ADAP1: variants seen among roughly 807,000 people sequenced by gnomAD.
ADAP1 encodes arf-GAP with dual PH domain-containing protein 1.
In ADAP1, 31 loss-of-function variants were observed where a neutral mutation model predicts 54.9. The observed-to-expected ratio is 0.56, with a 90% CI of 0.42 to 0.76. The LOEUF (loss-of-function observed/expected upper bound fraction) is 0.76. Ranked by LOEUF, ADAP1 falls within the 30% of genes least tolerant of loss-of-function variation. The probability of loss-of-function intolerance (pLI) is 0.00; values close to 1 mark genes in which losing one functional copy is unlikely to be tolerated. For missense variants in ADAP1, 535 were observed against 512.4 expected (o/e 1.04, Z -0.42); for synonymous variants, 313 against 202.6 (o/e 1.55, Z -4.63).
At position 905,067 on chromosome 7, in the gene ADAP1, C is replaced by T. The variant is rs993124158; in HGVS notation, c.494G>A (p.Arg165Lys). The T allele has an allele frequency of 6.2e-7, 1 of 1,610,980 alleles. No individual in the cohort carries two copies. The highest frequency in any genetic ancestry group is 1.7e-5 in the Admixed American group (1 of 60,018). The change falls in exon 5 of 11, where the codon AGA becomes AAA. Residue 165 changes from arginine (R) to lysine (K), a missense_variant. By Grantham distance (26) the Arg-to-Lys change is conservative. Transcript: ENST00000265846. ...EREGALKYFN[R>K]NDAKEPKAVM... is the part of the protein sequence containing the mutation. Reference sequence around the variant, plus strand: ...CCCCCGTCTGTGACTCACATCATTTCTGTTGAAATACTTCAGAGCACCCTC... The same window carrying T: ...CCCCCGTCTGTGACTCACATCATTTTTGTTGAAATACTTCAGAGCACCCTC...
At chr7:934,742 G>A (rs73254065) in intron 2 of ADAP1, among the ~76,000 whole-genome samples, 2,206 of 152,276 alleles carry the variant, frequency 0.014, 58 homozygotes, top group African/African-American at 0.049. Flanking sequence ...GGGCTTCCTG[G>A]TTGGCTCACA....
intron 4 of ADAP1, among the ~76,000 whole-genome samples, chr7:916,587 G>A (rs748344151): frequency 3.8e-4 from 58 of 152,186 alleles, no homozygotes; most frequent in Non-Finnish European, 7.3e-4. Flanking sequence ...AGTGGAGCGA[G>A]GGGTGTGCTG....
Position 946,234 on chromosome 7 carries a change from T to C in ADAP1, c.82+8162A>G, listed in dbSNP as rs989493406. Among the ~76,000 whole-genome samples, 1 of 152,114 alleles carries C rather than the reference T, an allele frequency of 6.6e-6. No individual in the cohort carries two copies. Among genetic ancestry groups the C allele is most frequent in the South Asian group, 2.1e-4 (1 of 4,830 alleles). ...TTGTCTCCCAGTTACCCGTGGCCCC[T>C]GCAGGGATCCAGGCTCCCGCCGGCC... On this transcript the variant is annotated intron_variant, in intron 1 of 10. Transcript: ENST00000265846. The surrounding 1 kb of genome is among the most constrained non-coding windows in gnomAD (Gnocchi z 4.3).
chr7:900,252 C>A, intron 7 of ADAP1, 88 bp from the exon 8 acceptor site: 1 of 1,512,116 alleles, frequency 6.6e-7, no homozygotes, highest in Non-Finnish European at 9.1e-7. Flanking sequence ...GCTCCCCTCA[C>A]CCCGGGCCAC....
chr7:917,979 G>A (rs1016081020), intron 4 of ADAP1, among the ~76,000 whole-genome samples: 9 of 152,068 alleles, frequency 5.9e-5, no homozygotes, highest in African/African-American at 2.2e-4. Flanking sequence ...GAGCAACATG[G>A]GGTTTCGCCA....
At position 946,464 on chromosome 7, in the gene ADAP1, G is replaced by C. The variant is rs974611116; in HGVS notation, c.82+7932C>G. Among the ~76,000 whole-genome samples, 1 of 152,166 alleles carries C rather than the reference G, an allele frequency of 6.6e-6. No homozygotes were observed. Among genetic ancestry groups the C allele is most frequent in the Non-Finnish European group, 1.5e-5 (1 of 68,030 alleles). On this transcript the variant is annotated intron_variant, in intron 1 of 10. Transcript: ENST00000265846. This position sits in a 1 kb window ranked among gnomAD's most constrained non-coding sequence, Gnocchi z 4.3. ...ATCCGCTGGCCCCTACCCGGTTCAG[G>C]GACACGTGCCCCTCTCCTGGATCCC...
In ADAP1 at chr7:898,796, G is replaced by C; in HGVS notation, c.*125C>G. ...GCTGAAGCTCGGGCCCTACCTGGCC[G>C]CGCCGGGCTGCCCTGAGGAGCAGGT... On this transcript the variant is annotated 3_prime_UTR_variant, in exon 11 of 11. Coordinates refer to ENST00000265846, the MANE Select transcript of ADAP1 (RefSeq NM_006869.4). The C allele has an allele frequency of 7.4e-7, 1 of 1,352,648 alleles. No homozygotes were observed. Among genetic ancestry groups the C allele is most frequent in the Non-Finnish European group, 1.0e-6 (1 of 983,344 alleles). The allele number at this position is 1,352,648 out of a possible 1,614,324, so 83.8% of individuals were successfully genotyped here. A position where few individuals can be genotyped will look rare whatever the true frequency, so the allele number is the denominator to read the frequency against.
intron 4 of ADAP1, among the ~76,000 whole-genome samples, chr7:919,476 A>G: frequency 6.6e-6 from 1 of 151,396 alleles, no homozygotes; most frequent in Non-Finnish European, 1.5e-5. Flanking sequence ...GCGGGTTCAA[A>G]CTCACGAGTG....
intron 4 of ADAP1, among the ~76,000 whole-genome samples, chr7:913,939 CAAAA>C (rs945985123): frequency 2.0e-5 from 3 of 152,014 alleles, no homozygotes; most frequent in South Asian, 2.1e-4. Flanking sequence ...AACAAACAAA[CAAAA>C]AACTCCTTCA....
chr7:954,414 C>A lies in ADAP1; in HGVS notation c.64G>T (p.Ala22Ser). ...CACCTACCCGGGGCGCCGCAGTCCG[C>A]GCAGCGCGCGTTCCCCGGCCGCTGC... is the stretch of plus-strand genomic sequence containing the variant. ...LLQRPGNARC[A>S]DCGAPDPDWA... The change falls in exon 1 of 11, where the codon GCG becomes TCG. Residue 22 changes from alanine (A) to serine (S), a missense_variant. Ala to Ser is a moderately conservative substitution (Grantham distance 99). Transcript: ENST00000265846. The A allele has an allele frequency of 8.8e-7, 1 of 1,139,668 alleles. No homozygotes were observed. Among genetic ancestry groups the A allele is most frequent in the Non-Finnish European group, 1.1e-6 (1 of 917,072 alleles). The allele number at this position is 1,139,668 out of a possible 1,614,324, so 70.6% of individuals were successfully genotyped here. A position where few individuals can be genotyped will look rare whatever the true frequency, so the allele number is the denominator to read the frequency against.
intron 4 of ADAP1, among the ~76,000 whole-genome samples, chr7:911,935 G>GC (rs1845740770): frequency 6.6e-6 from 1 of 152,114 alleles, no homozygotes; most frequent in South Asian, 2.1e-4. Flanking sequence ...CTCTGGCCTG[G>GC]CCCCAAACAC....
chr7:904,077 G>A, intron 6 of ADAP1, 49 bp downstream of exon 6: 2 of 1,602,310 alleles, frequency 1.2e-6, no homozygotes, highest in Non-Finnish European at 1.7e-6. Context: ...CCGGGCCTGA[G>A]GGCCCACCCT....
chr7:907,737 G>A (rs972870011), intron 4 of ADAP1, among the ~76,000 whole-genome samples: 3 of 152,208 alleles, frequency 2.0e-5, no homozygotes, highest in Non-Finnish European at 4.4e-5. Flanking sequence ...CGTGTCCTGG[G>A]CTCCGTCTGC....
intron 1 of ADAP1, among the ~76,000 whole-genome samples, chr7:939,601 C>T (rs183735072): frequency 0.013 from 1,945 of 150,888 alleles, 24 homozygotes; most frequent in Non-Finnish European, 0.021. Flanking sequence ...GAGGCCAAGG[C>T]GGGTGGATCA....
In ADAP1 at chr7:900,593, T is replaced by C; in HGVS notation, c.672A>G (p.Ala224=). 6.2e-7 allele frequency: 1 copy of C among 1,607,646 alleles called. No homozygotes were observed. Among genetic ancestry groups the C allele is most frequent in the Non-Finnish European group, 8.5e-7 (1 of 1,178,828 alleles). Residue 224 remains alanine, a synonymous_variant, in exon 7 of 11, where the codon GCA becomes GCG. Coordinates refer to ENST00000265846, the MANE Select transcript of ADAP1 (RefSeq NM_006869.4). The part of the protein sequence containing the change: ...DGKEIVDWFN[A]LRAARFHYLQ... The stretch of plus-strand genomic sequence containing the variant: ...GGTAGTGGAAGCGAGCAGCTCGGAG[T>C]GCATTGAACCAGTCCACAATCTCCT...
At chr7:932,198 C>T (rs1192173857) in intron 2 of ADAP1, among the ~76,000 whole-genome samples, 1 of 152,200 alleles carries the variant, frequency 6.6e-6, no homozygotes, top group East Asian at 1.9e-4. Context: ...CCAAAGGCCC[C>T]ATCGCACCAG....
chr7:906,758 ACAGGGGACATGGGGGACAGGG>A, intron 4 of ADAP1, among the ~76,000 whole-genome samples: 2 of 16,412 alleles, frequency 1.2e-4, no homozygotes, highest in South Asian at 1.5e-3. Context: ...GGGGACATGG[ACAGGGGACATGGGGGACAGGG>A]GACACGGGGG....
At chr7:921,373 G>A (rs192542505) in intron 3 of ADAP1, among the ~76,000 whole-genome samples, 95 of 152,348 alleles carry the variant, frequency 6.2e-4, no homozygotes, top group African/African-American at 1.9e-3. Context: ...CCAGGCTGGG[G>A]CACAGTGGTG....
chr7:899,495 G>C lies in ADAP1; in HGVS notation c.796-5C>G, dbSNP rs753993802. 6 of 1,612,464 alleles carry C rather than the reference G, an allele frequency of 3.7e-6. No individual in the cohort carries two copies. The highest frequency in any genetic ancestry group is 3.3e-5 in the Admixed American group (2 of 59,926). ...CTTCCGGAAGCCTTCCGTTTGCTGT[G>C]GGTCAGAGAGGGCCCGTGACCGGCA... On this transcript the variant is annotated splice_region_variant and splice_polypyrimidine_tract_variant and intron_variant, in intron 8 of 10. Transcript: ENST00000265846.
Sources: gnomAD v4.1 joint callset for allele counts (sites outside exome capture counted in the v4.1 genomes callset) on GRCh38, gnomAD v4.1.1 for gene constraint, Gnocchi (gnomAD v3.1) non-coding constraint, MANE v1.5 for transcripts, NCBI Gene and HGNC (gene_info 2026-07-23, HGNC 2026-07-21) for gene names.